The following DNAH12 variants were observed in gnomAD, a reference collection of about 807,000 sequenced individuals.
DNAH12 encodes axonemal beta dynein heavy chain 12.
Under a neutral mutation model 371.5 loss-of-function variants are expected in DNAH12, and 285 were observed. The observed-to-expected ratio is 0.77, with a 90% CI of 0.70 to 0.85. The LOEUF is 0.85. Among genes scored for constraint, DNAH12 ranks in the 40% least tolerant of loss-of-function variants. The probability of loss-of-function intolerance (pLI) is 0.00; values close to 1 mark genes in which losing one functional copy is unlikely to be tolerated. For missense variants in DNAH12, 3,611 were observed against 3,689.4 expected (o/e 0.98, Z 0.55); for synonymous variants, 1,200 against 1,213.0 (o/e 0.99, Z 0.22).
chr3:57,431,966 C>T (rs2064968317), intron 32 of DNAH12, among the ~76,000 whole-genome samples: 1 of 152,194 alleles, frequency 6.6e-6, no homozygotes, highest in African/African-American at 2.4e-5. Context: ...TCACCTATAG[C>T]TGTCTTTTCA....
intron 2 of DNAH12, among the ~76,000 whole-genome samples, chr3:57,525,855 C>A (rs1171138389): frequency 6.8e-6 from 1 of 147,684 alleles, no homozygotes; most frequent in African/African-American, 2.5e-5. Context: ...CTCTGCCACC[C>A]AGTTCAAGCA....
intron 62 of DNAH12, among the ~76,000 whole-genome samples, chr3:57,331,027 C>CAT (rs1363028822): frequency 6.6e-6 from 1 of 152,144 alleles, no homozygotes; most frequent in East Asian, 1.9e-4. Context: ...CAACTTAATT[C>CAT]ATAGACATTT....
chr3:57,310,474 CT>C (rs1256337744), intron 67 of DNAH12, among the ~76,000 whole-genome samples: 3 of 152,268 alleles, frequency 2.0e-5, no homozygotes, highest in East Asian at 3.9e-4. Context: ...AAAGTTTTTC[CT>C]TTCCTACAAT....
Position 57,472,629 on chromosome 3 carries a change from A to G in DNAH12, c.1693T>C (p.Phe565Leu). The change falls in exon 14 of 74, where the codon TTT becomes CTT. Residue 565 changes from phenylalanine (F) to leucine (L), a missense_variant. Phe to Leu is a conservative substitution (Grantham distance 22). Transcript: ENST00000495027. ...QMSYFLDVFL[F>L]PQEDLALNAT... ...TTTAAAGCTAAGTCTTCTTGAGGAA[A>G]TAGGAAAACATCTAAAAAGTAACTC... 1 of 1,551,148 alleles carries G rather than the reference A, an allele frequency of 6.4e-7. No homozygotes were observed. The highest frequency in any genetic ancestry group is 8.7e-7 in the Non-Finnish European group (1 of 1,146,782).
Position 57,491,081 on chromosome 3 carries a change from C to CAAAA in DNAH12, c.1336-1398_1336-1395dup, listed in dbSNP as rs553885449. Among the ~76,000 whole-genome samples the CAAAA allele has an allele frequency of 4.3e-4, 30 of 70,326 alleles. 1 individual carries two copies. The highest frequency in any genetic ancestry group is 8.7e-4 in the East Asian group (2 of 2,290). The allele number at this position is 70,326 out of a possible 152,430, so 46.1% of individuals were successfully genotyped here. A position where few individuals can be genotyped will look rare whatever the true frequency, so the allele number is the denominator to read the frequency against. Reference sequence around the variant, plus strand: ...TGGAAGACAGAGCGAGACTCTATCTCAAAAAAAAAAAAAAAAAAAACAACA... The same window carrying CAAAA: ...TGGAAGACAGAGCGAGACTCTATCTCAAAAAAAAAAAAAAAAAAAAAAAACAACA... On this transcript the variant is annotated intron_variant, in intron 11 of 73. Transcript: ENST00000495027.
chr3:57,469,054 G>C (rs2066288426), intron 16 of DNAH12, 75 bp from the exon 17 acceptor site: 2 of 1,382,528 alleles, frequency 1.4e-6, no homozygotes, highest in African/African-American at 1.5e-5. Flanking sequence ...CTTTAGGCTA[G>C]ACCCCTTGTT....
intron 69 of DNAH12, among the ~76,000 whole-genome samples, chr3:57,304,602 G>A (rs944159097): frequency 2.6e-5 from 4 of 152,132 alleles, no homozygotes; most frequent in African/African-American, 4.8e-5. Flanking sequence ...ATGGACTTGG[G>A]AAGACAGTCT....
chr3:57,306,741 T>A (rs982321637), intron 69 of DNAH12, among the ~76,000 whole-genome samples: 9 of 152,172 alleles, frequency 5.9e-5, no homozygotes, highest in African/African-American at 2.2e-4. Context: ...CATGGCCTTT[T>A]AAAGCCTATA....
intron 10 of DNAH12, among the ~76,000 whole-genome samples, chr3:57,501,990 T>C (rs1000257786): frequency 6.6e-6 from 1 of 151,702 alleles, no homozygotes; most frequent in African/African-American, 2.4e-5. Context: ...CACTGCAAGC[T>C]CCGCCTCCTG....
At chr3:57,328,216 C>T (rs2061997477) in intron 62 of DNAH12, among the ~76,000 whole-genome samples, 1 of 150,636 alleles carries the variant, frequency 6.6e-6, no homozygotes, top group Admixed American at 6.6e-5. Flanking sequence ...TTTTATGAGG[C>T]CAGCATCATC....
intron 45 of DNAH12, among the ~76,000 whole-genome samples, chr3:57,388,136 C>T (rs1189059092): frequency 1.3e-5 from 2 of 152,146 alleles, no homozygotes; most frequent in Non-Finnish European, 2.9e-5. Flanking sequence ...GCCAAGCATG[C>T]TCCTACCTCT....
At chr3:57,479,449 T>A (rs1416022375) in intron 13 of DNAH12, among the ~76,000 whole-genome samples, 1 of 152,168 alleles carries the variant, frequency 6.6e-6, no homozygotes, top group African/African-American at 2.4e-5. Context: ...GAAAGAGACC[T>A]AGACTCCCAC....
chr3:57,372,359 T>A (rs1387865666), intron 55 of DNAH12, among the ~76,000 whole-genome samples: 3 of 152,142 alleles, frequency 2.0e-5, no homozygotes, highest in African/African-American at 7.2e-5. Context: ...TTAAAGGACA[T>A]TCTTCAGGCA....
At chr3:57,305,519 G>A (rs1433161399) in intron 69 of DNAH12, among the ~76,000 whole-genome samples, 1 of 152,110 alleles carries the variant, frequency 6.6e-6, no homozygotes, top group Non-Finnish European at 1.5e-5. Context: ...GGTGGCTGGA[G>A]CTAAAGACAT....
intron 34 of DNAH12, chr3:57,428,314 A>C (rs1461112179): frequency 9.5e-7 from 1 of 1,051,174 alleles, no homozygotes; most frequent in South Asian, 1.5e-5. Context: ...TAAAATACTA[A>C]ATATTGAATA....
chr3:57,328,630 A>G (rs2062009226), intron 62 of DNAH12, among the ~76,000 whole-genome samples: 1 of 149,136 alleles, frequency 6.7e-6, no homozygotes, highest in South Asian at 2.2e-4. Flanking sequence ...AACTGGAAGC[A>G]TTCCCTTTGA....
intron 17 of DNAH12, among the ~76,000 whole-genome samples, chr3:57,464,939 A>T (rs557484517): frequency 2.8e-4 from 43 of 152,350 alleles, no homozygotes; most frequent in African/African-American, 1.0e-3. Flanking sequence ...AATAGCTCCT[A>T]TATCTATTAA....
chr3:57,359,965 G>T (rs1017020525), intron 58 of DNAH12, among the ~76,000 whole-genome samples: 3 of 152,276 alleles, frequency 2.0e-5, no homozygotes, highest in African/African-American at 7.2e-5. Flanking sequence ...TGTTTGCAAT[G>T]ATCAGTGGGA....
intron 59 of DNAH12, among the ~76,000 whole-genome samples, chr3:57,355,097 G>C (rs929129157): frequency 3.3e-5 from 5 of 152,066 alleles, no homozygotes; most frequent in Non-Finnish European, 7.4e-5. Flanking sequence ...TTGTTCTACA[G>C]GTTTTCAAAA....
Sources: gnomAD v4.1 joint callset for allele counts (sites outside exome capture counted in the v4.1 genomes callset) on GRCh38, gnomAD v4.1.1 for gene constraint, MANE v1.5 for transcripts, NCBI Gene and HGNC (gene_info 2026-07-23, HGNC 2026-07-21) for gene names.